Variants in PPP6R2 observed in about 807,000 individuals in gnomAD.
PPP6R2 encodes protein phosphatase 6 regulatory subunit 2, also known as serine/threonine-protein phosphatase 6 regulatory subunit 2.
PPP6R2 carries 62 observed loss-of-function variants against 100.2 expected under a neutral mutation model. The observed-to-expected ratio is 0.62, with a 90% CI of 0.50 to 0.76. The LOEUF is 0.76. Ranked by LOEUF, PPP6R2 falls within the 30% of genes least tolerant of loss-of-function variation. The pLI is 0.00. For synonymous variants in PPP6R2, 525 were observed against 514.7 expected (o/e 1.02, Z -0.27); for missense variants, 1,142 against 1,276.3 (o/e 0.89, Z 1.60).
intron 9 of PPP6R2, among the ~76,000 whole-genome samples, chr22:50,422,988 GA>G (rs1184522437): frequency 6.6e-6 from 1 of 152,176 alleles, no homozygotes; most frequent in Non-Finnish European, 1.5e-5. Context: ...GAGTGTGGGG[GA>G]TCAGAAAAGA....
intron 2 of PPP6R2, among the ~76,000 whole-genome samples, chr22:50,382,676 TA>T (rs2053369568): frequency 6.6e-6 from 1 of 152,100 alleles, no homozygotes; most frequent in African/African-American, 2.4e-5. Flanking sequence ...TGAAAGCAAT[TA>T]AAGACTTGAA....
At chr22:50,338,461 AGTGTGTGTTAT>A (rs1448880154), upstream of PPP6R2, among the ~76,000 whole-genome samples, 53 of 62,314 alleles carry the variant, frequency 8.5e-4, no homozygotes, top group Admixed American at 2.7e-3. Flanking sequence ...TGTGGTATGT[AGTGTGTGTTAT>A]GTGTGTGTTA....
chr22:50,424,440 CGCGTGTGGAACGTCTGTCA>C (rs1569472400), intron 10 of PPP6R2, among the ~76,000 whole-genome samples: 1,091 of 93,970 alleles, frequency 0.012, 27 homozygotes, highest in East Asian at 0.045. Flanking sequence ...AAGGTCCGTC[CGCGTGTGGAACGTCTGTCA>C]GCGTGTGGAA....
chr22:50,406,213 G>A (rs2058922895), intron 3 of PPP6R2, among the ~76,000 whole-genome samples: 1 of 145,272 alleles, frequency 6.9e-6, no homozygotes, highest in Non-Finnish European at 1.5e-5. Context: ...TGAGAGACCT[G>A]GAGAGAGGCG....
At chr22:50,367,150 G>T (rs2048927762) in intron 1 of PPP6R2, among the ~76,000 whole-genome samples, 1 of 152,122 alleles carries the variant, frequency 6.6e-6, no homozygotes, top group African/African-American at 2.4e-5. Flanking sequence ...GTTGAGATGT[G>T]GGAGCGGAGG....
intron 2 of PPP6R2, among the ~76,000 whole-genome samples, chr22:50,374,137 G>A (rs2050921880): frequency 6.6e-6 from 1 of 152,126 alleles, no homozygotes; most frequent in Non-Finnish European, 1.5e-5. Context: ...TCCTGCCTTG[G>A]CCTCCCAAAG....
chr22:50,405,396 A>G (rs1241845949), intron 3 of PPP6R2, among the ~76,000 whole-genome samples: 404 of 78,048 alleles, frequency 5.2e-3, no homozygotes, highest in Middle Eastern at 0.011. Flanking sequence ...GGCCTGGCAG[A>G]CGAGTGTGAA....
chr22:50,372,809 C>T (rs905890885), intron 2 of PPP6R2, among the ~76,000 whole-genome samples: 1 of 151,764 alleles, frequency 6.6e-6, no homozygotes, highest in Non-Finnish European at 1.5e-5. Context: ...CTTCCTCAGC[C>T]TCCCAAGTAG....
At chr22:50,351,277 T>G (rs2045173777) in intron 1 of PPP6R2, among the ~76,000 whole-genome samples, 1 of 145,930 alleles carries the variant, frequency 6.9e-6, no homozygotes, top group Non-Finnish European at 1.5e-5. Context: ...TGACCTCAAG[T>G]GATCCGCCCG....
intron 3 of PPP6R2, 129 bp from the exon 4 acceptor site, chr22:50,406,560 C>T: frequency 1.2e-6 from 1 of 826,892 alleles, no homozygotes; most frequent in Non-Finnish European, 1.9e-6. Flanking sequence ...CGTTTTTGTT[C>T]TGTTCTGAGG....
Position 50,444,328 on chromosome 22 carries a change from T to C in PPP6R2, c.*81T>C, listed in dbSNP as rs566027566. ...AAACTACCTGGTGATGCAATCTTTT[T>C]TTTTTTTAATTTAATTTAATTTTAA... On this transcript the variant is annotated 3_prime_UTR_variant, in exon 24 of 24. Coordinates refer to ENST00000612753, the MANE Select transcript of PPP6R2 (RefSeq NM_001242898.2). 4.2e-4 allele frequency: 594 copies of C among 1,425,466 alleles called. 3 individuals are homozygous for C. The African/African-American group carries it at 7.8e-3, about 19-fold the overall frequency. 88.3% of individuals were successfully genotyped at this position (1,425,466 alleles called of 1,614,324 possible). A position where few individuals can be genotyped will look rare whatever the true frequency, so the allele number is the denominator to read the frequency against.
chr22:50,338,996 GTGTGGTA>G (rs562187066), upstream of PPP6R2, among the ~76,000 whole-genome samples: 3,886 of 136,926 alleles, frequency 0.028, 225 homozygotes, highest in African/African-American at 0.11. Context: ...TATGTAGTAT[GTGTGGTA>G]TGTGGTGTGT....
chr22:50,413,124 A>G (rs1054497500), intron 4 of PPP6R2, among the ~76,000 whole-genome samples: 11 of 148,362 alleles, frequency 7.4e-5, no homozygotes, highest in Non-Finnish European at 1.3e-4. Flanking sequence ...CGCTTGGCTA[A>G]TTTTGTATTT....
intron 1 of PPP6R2, among the ~76,000 whole-genome samples, chr22:50,349,195 CAAAAAAAAAA>C (rs892504600): frequency 8.1e-5 from 5 of 61,678 alleles, no homozygotes; most frequent in Non-Finnish European, 6.2e-5. Context: ...GACTTCCTCT[CAAAAAAAAAA>C]AAAAAAAAAA....
chr22:50,437,491 C>G lies in PPP6R2; in HGVS notation c.1684-15C>G. 1 of 895,396 alleles carries G rather than the reference C, an allele frequency of 1.1e-6. No individual in the cohort carries two copies. The allele number at this position is 895,396 out of a possible 1,614,324, so 55.5% of individuals were successfully genotyped here. A position where few individuals can be genotyped will look rare whatever the true frequency, so the allele number is the denominator to read the frequency against. ...CCGGTGTCTGTCCGTCCCTCCCTCC[C>G]TCCCTCCCTCCCAGGCCTTCTCTGA... On this transcript the variant is annotated splice_polypyrimidine_tract_variant and intron_variant, in intron 15 of 23. Coordinates refer to ENST00000612753, the MANE Select transcript of PPP6R2 (RefSeq NM_001242898.2).
intron 2 of PPP6R2, among the ~76,000 whole-genome samples, chr22:50,387,769 G>A (rs1410441141): frequency 1.3e-5 from 2 of 152,198 alleles, no homozygotes; most frequent in Admixed American, 1.3e-4. Context: ...CCACCGCGGC[G>A]CACGCCCTCT....
chr22:50,338,296 AGT>A, the PPP6R2 span, among the ~76,000 whole-genome samples: 16 of 74,382 alleles, frequency 2.2e-4, no homozygotes, highest in African/African-American at 4.7e-4. Context: ...TGTGGTGTGT[AGT>A]GTGTGGTGTG....
rs34079114 is a variant in PPP6R2, at chr22:50,444,618, GTTT to G, written c.*379_*381del. On this transcript the variant is annotated 3_prime_UTR_variant, in exon 24 of 24. Coordinates refer to ENST00000612753, the MANE Select transcript of PPP6R2 (RefSeq NM_001242898.2). ...CGTGGACATGGAGGCTGTTTTTACA[GTTT>G]TTTTTTTGTTGTTGTTTTGTTTTTA... is the stretch of plus-strand genomic sequence containing the variant. The G allele has an allele frequency of 5.0e-6, 1 of 198,770 alleles. No individual in the cohort carries two copies. The highest frequency in any genetic ancestry group is 6.1e-5 in the Admixed American group (1 of 16,358). 12.3% of individuals were successfully genotyped at this position (198,770 alleles called of 1,614,324 possible). A position where few individuals can be genotyped will look rare whatever the true frequency, so the allele number is the denominator to read the frequency against.
rs912928602 is a variant in PPP6R2, at chr22:50,444,320, A to C, written c.*73A>C. ...AATCGAGAAAACTACCTGGTGATGCAATCTTTTTTTTTTTTAATTTAATTT... is the reference window on the plus strand; with the variant it reads ...AATCGAGAAAACTACCTGGTGATGCCATCTTTTTTTTTTTTAATTTAATTT... On this transcript the variant is annotated 3_prime_UTR_variant, in exon 24 of 24. Transcript: ENST00000612753. 5.7e-6 allele frequency: 8 copies of C among 1,396,808 alleles called. No homozygotes were observed. Among genetic ancestry groups the C allele is most frequent in the Non-Finnish European group, 7.6e-6 (8 of 1,055,150 alleles). 86.5% of individuals were successfully genotyped at this position (1,396,808 alleles called of 1,614,324 possible). A position where few individuals can be genotyped will look rare whatever the true frequency, so the allele number is the denominator to read the frequency against.
Sources: allele counts gnomAD v4.1 joint callset (sites outside exome capture counted in the v4.1 genomes callset), GRCh38; gene constraint gnomAD v4.1.1; transcripts MANE v1.5; gene names NCBI Gene and HGNC (gene_info 2026-07-23, HGNC 2026-07-21).